Variants in TASP1 observed in about 807,000 individuals in gnomAD.
TASP1 encodes the protein taspase 1, also known as threonine aspartase 1.
A neutral mutation model predicts 56.6 loss-of-function variants in TASP1; 16 were observed. The observed-to-expected ratio is 0.28, with a 90% CI of 0.19 to 0.43. The LOEUF is 0.43. TASP1 is among the 20% of genes least tolerant of loss of function. TASP1 has a pLI of 1.00. For synonymous variants in TASP1, 179 were observed against 184.2 expected (o/e 0.97, Z 0.23); for missense variants, 393 against 511.6 (o/e 0.77, Z 2.24).
the TASP1 span, among the ~76,000 whole-genome samples, chr20:13,290,476 C>T: frequency 5.7e-3 from 868 of 152,130 alleles, 9 homozygotes; most frequent in African/African-American, 0.02. Flanking sequence ...GGTGAAATGC[C>T]GTCTCTACTA....
rs559517679 is a variant in TASP1 at position 13,612,100 on chromosome 20, A to T, written c.282+11346T>A. On this transcript the variant is annotated intron_variant, in intron 4 of 13. Coordinates refer to ENST00000337743, the MANE Select transcript of TASP1 (RefSeq NM_017714.3). ...AATGACAGTCCTAACAACAAATTTTATTATCATGCTTAAATATTTAAAATA... is the reference window on the plus strand; with the variant it reads ...AATGACAGTCCTAACAACAAATTTTTTTATCATGCTTAAATATTTAAAATA... 3.5e-4 allele frequency among the ~76,000 whole-genome samples: 54 copies of T among 152,300 alleles called. No homozygotes were observed. The South Asian group carries it at 3.7e-3, about 11-fold the overall frequency.
intron 12 of TASP1, among the ~76,000 whole-genome samples, chr20:13,427,579 GA>G (rs982501359): frequency 3.5e-4 from 54 of 152,238 alleles, no homozygotes; most frequent in African/African-American, 1.2e-3. Flanking sequence ...ATAAAAGTGT[GA>G]AAAAGCTTTC....
the TASP1 span, among the ~76,000 whole-genome samples, chr20:13,361,061 A>C: frequency 6.6e-6 from 1 of 152,084 alleles, no homozygotes. Flanking sequence ...TCAAGGAAAT[A>C]ACTTCTCAGT....
the TASP1 span, chr20:13,165,852 A>C: frequency 3.9e-5 from 6 of 152,222 alleles, no homozygotes; most frequent in Non-Finnish European, 7.3e-5. Flanking sequence ...CAAGACCAAC[A>C]CACTTGTTTA....
chr20:13,361,684 C>T, the TASP1 span, among the ~76,000 whole-genome samples: 1 of 152,122 alleles, frequency 6.6e-6, no homozygotes, highest in African/African-American at 2.4e-5. Flanking sequence ...TCCCTACTAT[C>T]TTCTGTCTAG....
chr20:13,590,210 G>A (rs1420439782), intron 4 of TASP1, among the ~76,000 whole-genome samples: 3 of 152,140 alleles, frequency 2.0e-5, no homozygotes, highest in Admixed American at 6.5e-5. Context: ...CTCCAGCCTG[G>A]GTGACAGGGC....
the TASP1 span, among the ~76,000 whole-genome samples, chr20:13,224,698 A>C: frequency 6.6e-6 from 1 of 152,242 alleles, no homozygotes; most frequent in African/African-American, 2.4e-5. Context: ...TCACTTAAAA[A>C]GGGACACATT....
At chr20:13,225,620 A>G in the TASP1 span, among the ~76,000 whole-genome samples, 1 of 152,196 alleles carries the variant, frequency 6.6e-6, no homozygotes, top group African/African-American at 2.4e-5. Context: ...AAAAGTTTTG[A>G]GTACACTCTC....
intron 13 of TASP1, among the ~76,000 whole-genome samples, chr20:13,405,202 TTG>T (rs2041871786): frequency 6.6e-6 from 1 of 152,218 alleles, no homozygotes; most frequent in Non-Finnish European, 1.5e-5. Flanking sequence ...TTACTAGATA[TTG>T]TGTGCTTTTA....
At chr20:13,337,688 T>C in the TASP1 span, among the ~76,000 whole-genome samples, 2 of 152,342 alleles carry the variant, frequency 1.3e-5, no homozygotes, top group African/African-American at 4.8e-5. Flanking sequence ...TGCTTCTTGG[T>C]AACTTTTGTG....
At chr20:13,274,462 C>A in the TASP1 span, among the ~76,000 whole-genome samples, 4 of 152,188 alleles carry the variant, frequency 2.6e-5, no homozygotes, top group Non-Finnish European at 5.9e-5. Flanking sequence ...CCCTGGCAAC[C>A]TGCCTTTGCC....
At chr20:13,361,079 C>T in the TASP1 span, among the ~76,000 whole-genome samples, 23,801 of 151,184 alleles carry the variant, frequency 0.16, 1,921 homozygotes, top group Admixed American at 0.22. Context: ...AGTGTTCCAT[C>T]TGCTATTCTA....
chr20:13,230,309 C>T, the TASP1 span, among the ~76,000 whole-genome samples: 1 of 151,840 alleles, frequency 6.6e-6, no homozygotes, highest in African/African-American at 2.4e-5. Context: ...TTTTTTTCTT[C>T]CCAGAGTTCA....
the TASP1 span, among the ~76,000 whole-genome samples, chr20:13,363,537 TCAAAA>T: frequency 6.6e-6 from 1 of 152,156 alleles, no homozygotes; most frequent in Non-Finnish European, 1.5e-5. Flanking sequence ...AGCAAATTAA[TCAAAA>T]CAAAAGAAGG....
intron 10 of TASP1, among the ~76,000 whole-genome samples, chr20:13,489,950 G>T (rs981185673): frequency 4.6e-5 from 7 of 152,114 alleles, no homozygotes; most frequent in African/African-American, 1.4e-4. Context: ...GGGACCAAAT[G>T]CATTCTTAAA....
chr20:13,349,230 C>G, the TASP1 span, among the ~76,000 whole-genome samples: 1 of 152,110 alleles, frequency 6.6e-6, no homozygotes, highest in Non-Finnish European at 1.5e-5. Flanking sequence ...TTGGAAGACC[C>G]TCAGGAGGCC....
intron 11 of TASP1, among the ~76,000 whole-genome samples, chr20:13,439,099 G>A (rs1393253133): frequency 6.6e-6 from 1 of 152,154 alleles, no homozygotes; most frequent in Non-Finnish European, 1.5e-5. Context: ...TCAGTGTGGC[G>A]ATTCCTCAGG....
intron 10 of TASP1, among the ~76,000 whole-genome samples, chr20:13,501,636 CA>C (rs1449667097): frequency 6.6e-6 from 1 of 151,720 alleles, no homozygotes; most frequent in Non-Finnish European, 1.5e-5. Flanking sequence ...AAACAAAAAG[CA>C]AGGTGGTATA....
chr20:13,522,484 A>G (rs1307094561), intron 10 of TASP1, among the ~76,000 whole-genome samples: 1 of 152,202 alleles, frequency 6.6e-6, no homozygotes, highest in Non-Finnish European at 1.5e-5. Context: ...TGCGTGAGAT[A>G]GAAAAGAGGG....
Sources: allele counts gnomAD v4.1 joint callset (sites outside exome capture counted in the v4.1 genomes callset), GRCh38; gene constraint gnomAD v4.1.1; transcripts MANE v1.5; gene names NCBI Gene and HGNC (gene_info 2026-07-23, HGNC 2026-07-21).